The following NTM variants were observed in gnomAD, a reference collection of about 807,000 sequenced individuals.
The protein encoded by NTM is neurotrimin.
A neutral mutation model predicts 42.1 loss-of-function variants in NTM; 13 were observed. The ratio of observed to expected loss-of-function variants is 0.31; its 90% CI spans 0.20 to 0.49. The LOEUF is 0.49. Ranked by LOEUF, NTM falls within the 20% of genes least tolerant of loss-of-function variation. The probability of loss-of-function intolerance (pLI) is 0.99; values close to 1 mark genes in which losing one functional copy is unlikely to be tolerated. For missense variants in NTM, 373 were observed against 452.8 expected, an observed-to-expected ratio of 0.82 and a Z score of 1.60; for synonymous variants, 187 against 179.2, an observed-to-expected ratio of 1.04 and a Z score of -0.35.
At chr11:131,872,011 T>C (rs2047838445) in intron 1 of NTM, among the ~76,000 whole-genome samples, 1 of 152,206 alleles carries the variant, frequency 6.6e-6, no homozygotes, top group Non-Finnish European at 1.5e-5. Flanking sequence ...CATGTCTTCA[T>C]GTACACTCCC....
intron 1 of NTM, among the ~76,000 whole-genome samples, chr11:131,450,362 C>G (rs916209493): frequency 1.6e-4 from 24 of 152,220 alleles, no homozygotes; most frequent in African/African-American, 5.1e-4. Flanking sequence ...TTGGCCAGAA[C>G]TCAGTCAAAG....
intron 1 of NTM, among the ~76,000 whole-genome samples, chr11:131,834,814 A>G (rs922312217): frequency 3.3e-5 from 5 of 151,934 alleles, no homozygotes; most frequent in Non-Finnish European, 5.9e-5. Flanking sequence ...CCCATAATTT[A>G]GATCACCCTG....
chr11:131,657,244 G>A (rs1292007637), intron 1 of NTM, among the ~76,000 whole-genome samples: 1 of 152,162 alleles, frequency 6.6e-6, no homozygotes, highest in Non-Finnish European at 1.5e-5. Context: ...GTTAGCTGCT[G>A]TCTAGGGTTC....
intron 2 of NTM, among the ~76,000 whole-genome samples, chr11:132,058,817 T>C (rs1215531789): frequency 6.6e-6 from 1 of 152,166 alleles, no homozygotes; most frequent in African/African-American, 2.4e-5. Flanking sequence ...TTGAACCTTG[T>C]TGTAGATGCA....
At chr11:132,132,162 C>T (rs985076643) in intron 2 of NTM, among the ~76,000 whole-genome samples, 1 of 152,186 alleles carries the variant, frequency 6.6e-6, no homozygotes, top group Non-Finnish European at 1.5e-5. Flanking sequence ...ACTGCCCCGC[C>T]CCCATCTGCT....
intron 2 of NTM, among the ~76,000 whole-genome samples, chr11:131,988,304 G>C (rs1285238849): frequency 6.6e-6 from 1 of 152,182 alleles, no homozygotes; most frequent in African/African-American, 2.4e-5. Flanking sequence ...CTGTAGCATT[G>C]AAGGTTATTG....
At chr11:132,035,917 T>C (rs535345264) in intron 2 of NTM, among the ~76,000 whole-genome samples, 8 of 152,262 alleles carry the variant, frequency 5.3e-5, no homozygotes, top group Non-Finnish European at 7.4e-5. Flanking sequence ...AGAATTCCCT[T>C]ATCTCTCCGT....
intron 1 of NTM, among the ~76,000 whole-genome samples, chr11:131,552,514 A>AT (rs1325234108): frequency 7.6e-4 from 116 of 151,750 alleles, no homozygotes; most frequent in African/African-American, 2.8e-3. Flanking sequence ...CAAAAAAAAA[A>AT]AAAAAAAATA....
chr11:131,996,801 C>T (rs2068124306), intron 2 of NTM, among the ~76,000 whole-genome samples: 1 of 152,100 alleles, frequency 6.6e-6, no homozygotes, highest in Admixed American at 6.5e-5. Context: ...ACACCTGGCT[C>T]CCTGGGAGTG....
At chr11:131,644,040 G>A (rs1259566412) in intron 1 of NTM, among the ~76,000 whole-genome samples, 1 of 152,216 alleles carries the variant, frequency 6.6e-6, no homozygotes, top group African/African-American at 2.4e-5. Flanking sequence ...ACAGAGTGGT[G>A]TCAGGGGAAT....
chr11:132,207,340 C>T (rs576130013), intron 3 of NTM, among the ~76,000 whole-genome samples: 4 of 152,234 alleles, frequency 2.6e-5, no homozygotes, highest in African/African-American at 7.2e-5. Flanking sequence ...GGATCTAGGT[C>T]GTGCACTCCT....
chr11:131,400,979 CCACACACACACACA>C (rs56256717), intron 1 of NTM, among the ~76,000 whole-genome samples: 1 of 141,646 alleles, frequency 7.1e-6, no homozygotes, highest in Admixed American at 7.1e-5. Context: ...CTGCCACCTG[CCACACACACACACA>C]CACACACACA....
intron 1 of NTM, among the ~76,000 whole-genome samples, chr11:131,401,830 A>ATG (rs1486410979): frequency 1.5e-4 from 10 of 65,328 alleles, no homozygotes; most frequent in African/African-American, 5.8e-4. Flanking sequence ...ATATATATAT[A>ATG]TATATATATA....
chr11:131,505,918 G>A (rs2047431345), intron 1 of NTM, among the ~76,000 whole-genome samples: 1 of 151,938 alleles, frequency 6.6e-6, no homozygotes, highest in Non-Finnish European at 1.5e-5. Context: ...TTACAAAGTG[G>A]GATGATTTGC....
intron 1 of NTM, among the ~76,000 whole-genome samples, chr11:131,423,718 A>G (rs546158612): frequency 6.6e-6 from 1 of 152,316 alleles, no homozygotes; most frequent in South Asian, 2.1e-4. Context: ...GTCAACTCAG[A>G]ATCCGCAAAA....
At chr11:131,965,948 AAGG>A (rs2062779704) in intron 2 of NTM, among the ~76,000 whole-genome samples, 1 of 128,666 alleles carries the variant, frequency 7.8e-6, no homozygotes, top group South Asian at 3.1e-4. Flanking sequence ...GGGGGAAGGA[AAGG>A]AGGGAGGGAG....
chr11:131,470,969 C>A (rs1434904329), intron 1 of NTM, among the ~76,000 whole-genome samples: 1 of 152,202 alleles, frequency 6.6e-6, no homozygotes, highest in Non-Finnish European at 1.5e-5. Context: ...TTTCATCTTT[C>A]TCAGGAGATC....
intron 1 of NTM, among the ~76,000 whole-genome samples, chr11:131,617,105 G>A (rs1225920783): frequency 4.6e-5 from 7 of 152,044 alleles, no homozygotes; most frequent in Non-Finnish European, 1.0e-4. Context: ...GCGAGGCTGG[G>A]GCAGGCAGAC....
At chr11:131,888,375 G>C (rs1210476667) in intron 1 of NTM, among the ~76,000 whole-genome samples, 1 of 152,158 alleles carries the variant, frequency 6.6e-6, no homozygotes, top group Non-Finnish European at 1.5e-5. Flanking sequence ...TCACACTGCG[G>C]AGAAATGCGT....
Sources: allele counts gnomAD v4.1 joint callset (sites outside exome capture counted in the v4.1 genomes callset), GRCh38; gene constraint gnomAD v4.1.1; transcripts MANE v1.5; gene names NCBI Gene and HGNC (gene_info 2026-07-23, HGNC 2026-07-21).